ABR: variants seen among roughly 807,000 people sequenced by gnomAD.
The protein encoded by ABR is active breakpoint cluster region-related protein.
ABR carries 35 observed loss-of-function variants against 107.2 expected under a neutral mutation model. That is an observed-to-expected ratio of 0.33 (90% CI 0.25 to 0.43). The LOEUF (loss-of-function observed/expected upper bound fraction) is 0.43, where lower values mean the gene tolerates loss of function less well. ABR is among the 20% of genes least tolerant of loss of function. The pLI is 1.00. For missense variants in ABR, 815 were observed against 1,115.2 expected (o/e 0.73, Z 3.83); for synonymous variants, 498 against 462.0 (o/e 1.08, Z -1.00).
At chr17:1,031,986 G>T in intron 16 of ABR, 2 of 651,914 alleles carry the variant, frequency 3.1e-6, no homozygotes, top group Non-Finnish European at 4.3e-6. Flanking sequence ...CGCCTCCCAG[G>T]CCCAGGGCCG....
intron 1 of ABR, among the ~76,000 whole-genome samples, chr17:1,209,773 C>A (rs1431805252): frequency 1.3e-5 from 2 of 152,184 alleles, no homozygotes; most frequent in African/African-American, 4.8e-5. Flanking sequence ...TACACATATA[C>A]ATAGATAATT....
intron 2 of ABR, among the ~76,000 whole-genome samples, chr17:1,113,411 C>T (rs1232365621): frequency 1.3e-5 from 2 of 151,716 alleles, no homozygotes; most frequent in African/African-American, 4.8e-5. Context: ...CTCAGCCTCC[C>T]AAGTAGCTGG....
At chr17:1,088,634 G>C (rs145896232) in intron 4 of ABR, among the ~76,000 whole-genome samples, 27,475 of 151,810 alleles carry the variant, frequency 0.18, 2,895 homozygotes, top group Middle Eastern at 0.27. Flanking sequence ...CGCCCAGGCT[G>C]GAGTGGAGTG....
chr17:1,122,064 G>A (rs908237083), intron 2 of ABR, among the ~76,000 whole-genome samples: 19 of 152,208 alleles, frequency 1.2e-4, no homozygotes, highest in African/African-American at 2.4e-4. Flanking sequence ...CACCACGCCC[G>A]GCTAATTTTT....
chr17:1,004,877 C>T lies in ABR; in HGVS notation c.*1203G>A, dbSNP rs546728923. 27 of 396,770 alleles carry T rather than the reference C, an allele frequency of 6.8e-5. No individual in the cohort carries two copies. Among genetic ancestry groups the T allele is most frequent in the East Asian group, 3.2e-4 (9 of 28,032 alleles). 24.6% of individuals were successfully genotyped at this position (396,770 alleles called of 1,614,324 possible). On this transcript the variant is annotated 3_prime_UTR_variant, in exon 23 of 23. Transcript: ENST00000302538. The stretch of plus-strand genomic sequence containing the variant: ...CTTTGCTTCCCAGGTCCTGGAGGAC[C>T]GTGGCAGTGCTTGGCTGTGGAGTGT...
intron 1 of ABR, among the ~76,000 whole-genome samples, chr17:1,140,461 G>A (rs1194203054): frequency 6.6e-6 from 1 of 152,226 alleles, no homozygotes; most frequent in African/African-American, 2.4e-5. Flanking sequence ...CCACTTCCCA[G>A]GTGCCACCTG....
Position 1,092,663 on chromosome 17 carries a change from A to G in ABR, c.346-813T>C, listed in dbSNP as rs1367232330. On this transcript the variant is annotated intron_variant, in intron 3 of 22. Coordinates refer to ENST00000302538, the MANE Select transcript of ABR (RefSeq NM_021962.5). The surrounding 1 kb of genome is among the most constrained non-coding windows in gnomAD (Gnocchi z 4.6). Reference sequence around the variant, plus strand: ...GCATTTCCTCAGTGTGGTTCTCTGCATTTTATAAATCACCTACAATGAATG... The same window carrying G: ...GCATTTCCTCAGTGTGGTTCTCTGCGTTTTATAAATCACCTACAATGAATG... Among the ~76,000 whole-genome samples, 1 of 151,340 alleles carries G rather than the reference A, an allele frequency of 6.6e-6. No individual in the cohort carries two copies. The highest frequency in any genetic ancestry group is 1.5e-5 in the Non-Finnish European group (1 of 67,912).
intron 17 of ABR, 117 bp from the exon 18 acceptor site, chr17:1,012,914 TCTC>T: frequency 1.8e-6 from 2 of 1,082,944 alleles, no homozygotes; most frequent in South Asian, 2.7e-5. Context: ...CACACCCAGG[TCTC>T]CCTCAACACA....
intron 16 of ABR, among the ~76,000 whole-genome samples, chr17:1,019,716 A>T (rs892913866): frequency 2.6e-5 from 4 of 152,248 alleles, no homozygotes; most frequent in African/African-American, 9.6e-5. Context: ...CTCCTGGGAA[A>T]TGTGGACTGT....
At chr17:1,028,798 G>C (rs2072458308) in intron 16 of ABR, among the ~76,000 whole-genome samples, 1 of 152,218 alleles carries the variant, frequency 6.6e-6, no homozygotes, top group African/African-American at 2.4e-5. Flanking sequence ...CCAGCATCTG[G>C]CCTGGTCTGG....
At position 1,108,953 on chromosome 17, in the gene ABR, G is replaced by C. The variant is rs371407942; in HGVS notation, c.247-8218C>G. 14 of 1,595,636 alleles carry C rather than the reference G, an allele frequency of 8.8e-6. No homozygotes were observed. In the East Asian group the frequency reaches 3.1e-4, roughly 35 times the overall value. ...TCCCACCTTCACAGCCACCAGGAAGGGGGACCCTGAGCCGGGGCTGGTCGG... is the reference window on the plus strand; with the variant it reads ...TCCCACCTTCACAGCCACCAGGAAGCGGGACCCTGAGCCGGGGCTGGTCGG... On this transcript the variant is annotated intron_variant, in intron 2 of 22. Coordinates refer to ENST00000302538, the MANE Select transcript of ABR (RefSeq NM_021962.5).
chr17:1,010,946 C>T lies in ABR; in HGVS notation c.2102-83G>A, dbSNP rs2070484769. The T allele has an allele frequency of 1.9e-6, 3 of 1,555,170 alleles. No homozygotes were observed. Among genetic ancestry groups the T allele is most frequent in the Non-Finnish European group, 2.6e-6 (3 of 1,143,766 alleles). ...CCCCGACCCATCCTGACACAGCCCCCACCCACTCCAGCTCTGGTTCTGGTC... is the reference window on the plus strand; with the variant it reads ...CCCCGACCCATCCTGACACAGCCCCTACCCACTCCAGCTCTGGTTCTGGTC... On this transcript the variant is annotated intron_variant, in intron 19 of 22. Transcript: ENST00000302538. This position sits in a 1 kb window ranked among gnomAD's most constrained non-coding sequence, Gnocchi z 4.1.
chr17:1,100,669 T>G lies in ABR; in HGVS notation c.313A>C (p.Ile105Leu). The change falls in exon 3 of 23, where the codon ATC becomes CTC. Residue 105 changes from isoleucine (I) to leucine (L), a missense_variant. Ile to Leu is a conservative substitution (Grantham distance 5). Transcript: ENST00000302538. ...AGGGCTTCCAGCTGGTTAATGTAGA[T>G]CTCTTCGCTGGCCAAGAACCCCGAG... ...VLSGFLASEE[I>L]YINQLEALLL... The G allele has an allele frequency of 6.2e-7, 1 of 1,614,138 alleles. No homozygotes were observed. The highest frequency in any genetic ancestry group is 8.5e-7 in the Non-Finnish European group (1 of 1,180,018).
chr17:1,227,167 G>T (rs1353871845), intron 1 of ABR, among the ~76,000 whole-genome samples: 1 of 152,166 alleles, frequency 6.6e-6, no homozygotes, highest in African/African-American at 2.4e-5. Context: ...GGGCAGCGCC[G>T]ATTTCTAACG....
intron 2 of ABR, among the ~76,000 whole-genome samples, chr17:1,116,668 G>A (rs893554899): frequency 2.0e-5 from 3 of 152,176 alleles, no homozygotes; most frequent in Middle Eastern, 3.2e-3. Context: ...ACCTACTTCC[G>A]ACTTACCTCC....
rs1376942261 is a variant in ABR, at chr17:1,010,226, G to A, written c.2237-442C>T. ...GAAGCTCCAGTCTGCCCCAGGAGCA[G>A]AGAAGGCTGAAGGGATTCCTTGGGG... On this transcript the variant is annotated intron_variant, in intron 20 of 22. Coordinates refer to ENST00000302538, the MANE Select transcript of ABR (RefSeq NM_021962.5). This position sits in a 1 kb window ranked among gnomAD's most constrained non-coding sequence, Gnocchi z 4.1. The A allele has an allele frequency of 4.2e-6, 1 of 240,688 alleles. No individual in the cohort carries two copies. Among genetic ancestry groups the A allele is most frequent in the Non-Finnish European group, 8.2e-6 (1 of 121,384 alleles). The allele number at this position is 240,688 out of a possible 1,614,324, so 14.9% of individuals were successfully genotyped here.
chr17:1,181,348 C>T (rs2042126860), upstream of ABR, among the ~76,000 whole-genome samples: 1 of 152,170 alleles, frequency 6.6e-6, no homozygotes, highest in African/African-American at 2.4e-5. Context: ...GGCTGGGGAG[C>T]CCCTGGGAGA....
chr17:1,144,455 C>T (rs958433635), intron 1 of ABR, among the ~76,000 whole-genome samples: 6 of 152,180 alleles, frequency 3.9e-5, no homozygotes, highest in East Asian at 1.9e-4. Context: ...CTCTAGGTGC[C>T]GCCACTTCCT....
intron 10 of ABR, among the ~76,000 whole-genome samples, chr17:1,061,507 T>C (rs1157391756): frequency 6.6e-6 from 1 of 151,854 alleles, no homozygotes; most frequent in African/African-American, 2.4e-5. Context: ...AGAGAGGCCA[T>C]CTGGTTATGT....
Sources: allele counts gnomAD v4.1 joint callset (sites outside exome capture counted in the v4.1 genomes callset), GRCh38; gene constraint gnomAD v4.1.1; non-coding constraint Gnocchi (gnomAD v3.1); transcripts MANE v1.5; gene names NCBI Gene and HGNC (gene_info 2026-07-23, HGNC 2026-07-21).